PKIB: variants seen among roughly 807,000 people sequenced by gnomAD.
The protein encoded by PKIB is PKI-beta.
In PKIB, 2 loss-of-function variants were observed where a neutral mutation model predicts 4.5. That is an observed-to-expected ratio of 0.44 (90% CI 0.18 to 1.39). PKIB has a LOEUF of 1.39. Among genes scored for constraint, PKIB ranks in the 40% most tolerant of loss-of-function variants. The pLI is 0.27. For missense variants in PKIB, 94 were observed against 92.6 expected, an observed-to-expected ratio of 1.02 and a Z score of -0.06; for synonymous variants, 38 against 36.0, an observed-to-expected ratio of 1.06 and a Z score of -0.20.
chr6:122,545,299 C>T (rs1772458621), intron 2 of PKIB, among the ~76,000 whole-genome samples: 1 of 151,828 alleles, frequency 6.6e-6, no homozygotes, highest in Non-Finnish European at 1.5e-5. Flanking sequence ...CATGGAATAC[C>T]ATGTAGCCAT....
chr6:122,605,196 G>A (rs144459372), intron 3 of PKIB, among the ~76,000 whole-genome samples: 60 of 152,202 alleles, frequency 3.9e-4, no homozygotes, highest in East Asian at 1.4e-3. Flanking sequence ...TCCAAACCTC[G>A]GCTTAGTTAT....
chr6:122,677,981 C>G (rs1467587486), intron 3 of PKIB, among the ~76,000 whole-genome samples: 1 of 151,906 alleles, frequency 6.6e-6, no homozygotes, highest in Admixed American at 6.6e-5. Context: ...GATCTCGGCT[C>G]ACTGCAAGCT....
chr6:122,472,199 A>G (rs994619782), intron 1 of PKIB, among the ~76,000 whole-genome samples: 3 of 152,136 alleles, frequency 2.0e-5, no homozygotes, highest in African/African-American at 4.8e-5. Flanking sequence ...TGTCCGTCCT[A>G]ACTCCACTTA....
intron 3 of PKIB, among the ~76,000 whole-genome samples, chr6:122,691,736 T>A (rs1778364647): frequency 2.0e-5 from 3 of 152,152 alleles, no homozygotes. Flanking sequence ...TTTTCCTGAA[T>A]GTTTTTGATG....
chr6:122,598,044 G>A (rs960831333), intron 3 of PKIB, among the ~76,000 whole-genome samples: 2 of 152,092 alleles, frequency 1.3e-5, no homozygotes, highest in African/African-American at 4.8e-5. Context: ...TAAAAGGCTG[G>A]AGGTCTCCTT....
intron 3 of PKIB, among the ~76,000 whole-genome samples, chr6:122,696,810 C>T (rs1041037952): frequency 2.0e-5 from 3 of 152,220 alleles, no homozygotes; most frequent in African/African-American, 7.2e-5. Flanking sequence ...CATTGCAGCT[C>T]AGTGAGGGTC....
At chr6:122,609,721 T>C (rs1774670577), upstream of PKIB, among the ~76,000 whole-genome samples, 1 of 152,240 alleles carries the variant, frequency 6.6e-6, no homozygotes, top group African/African-American at 2.4e-5. Context: ...GTCGTCCATG[T>C]AATATGGCTT....
chr6:122,535,744 CTG>C (rs1280949423), intron 2 of PKIB, among the ~76,000 whole-genome samples: 1 of 152,128 alleles, frequency 6.6e-6, no homozygotes, highest in African/African-American at 2.4e-5. Flanking sequence ...TAGTATGACT[CTG>C]AGAAAGTTTC....
intron 2 of PKIB, among the ~76,000 whole-genome samples, chr6:122,497,788 G>A (rs1776117839): frequency 6.6e-6 from 1 of 152,082 alleles, no homozygotes; most frequent in Admixed American, 6.5e-5. Context: ...TCCACTGATG[G>A]CATTAGACAG....
chr6:122,718,196 G>C (rs1779578394), intron 4 of PKIB, among the ~76,000 whole-genome samples: 1 of 152,048 alleles, frequency 6.6e-6, no homozygotes, highest in Non-Finnish European at 1.5e-5. Flanking sequence ...TTTATTCATT[G>C]CATGTGTATA....
At chr6:122,579,387 C>G (rs1489554139) in intron 2 of PKIB, among the ~76,000 whole-genome samples, 1 of 152,102 alleles carries the variant, frequency 6.6e-6, no homozygotes, top group African/African-American at 2.4e-5. Flanking sequence ...GTAAAGATCT[C>G]TGGTACATCA....
At chr6:122,708,435 A>T (rs961607059) in intron 3 of PKIB, among the ~76,000 whole-genome samples, 1 of 152,134 alleles carries the variant, frequency 6.6e-6, no homozygotes, top group Non-Finnish European at 1.5e-5. Flanking sequence ...TTGTTTCTGA[A>T]AGTATGTGAA....
intron 3 of PKIB, among the ~76,000 whole-genome samples, chr6:122,717,144 G>C (rs1167328700): frequency 6.6e-6 from 1 of 151,932 alleles, no homozygotes. Context: ...GGAGATAAAG[G>C]GTGCTTAGGA....
intron 2 of PKIB, among the ~76,000 whole-genome samples, chr6:122,642,997 A>G (rs906528985): frequency 1.3e-5 from 2 of 152,212 alleles, no homozygotes; most frequent in African/African-American, 4.8e-5. Flanking sequence ...TTTTTTAAAA[A>G]AGAGGCAGTA....
intron 2 of PKIB, among the ~76,000 whole-genome samples, chr6:122,527,084 C>T (rs2114610481): frequency 6.6e-6 from 1 of 152,302 alleles, no homozygotes; most frequent in South Asian, 2.1e-4. Context: ...ATGAACCAAA[C>T]TCTACTAGCT....
intron 3 of PKIB, among the ~76,000 whole-genome samples, chr6:122,593,504 C>T: frequency 6.6e-6 from 1 of 152,134 alleles, no homozygotes; most frequent in East Asian, 1.9e-4. Flanking sequence ...TGAGATGTAG[C>T]CTCAGCATTG....
intron 2 of PKIB, among the ~76,000 whole-genome samples, chr6:122,500,816 G>A (rs760488907): frequency 6.6e-6 from 1 of 152,182 alleles, no homozygotes; most frequent in Non-Finnish European, 1.5e-5. Flanking sequence ...GGCTGGGGAA[G>A]ACTCAGGAAA....
intron 2 of PKIB, among the ~76,000 whole-genome samples, chr6:122,551,123 C>T (rs1297942566): frequency 1.3e-5 from 2 of 151,982 alleles, no homozygotes; most frequent in Non-Finnish European, 2.9e-5. Flanking sequence ...TTTTTCATCT[C>T]TCTTGTTAGC....
chr6:122,657,945 A>T (rs1776839042), intron 2 of PKIB, among the ~76,000 whole-genome samples: 1 of 152,248 alleles, frequency 6.6e-6, no homozygotes, highest in Non-Finnish European at 1.5e-5. Context: ...CCTTAAAGAT[A>T]AACTCACAAA....
Sources: allele counts gnomAD v4.1 joint callset (sites outside exome capture counted in the v4.1 genomes callset), GRCh38; gene constraint gnomAD v4.1.1; transcripts MANE v1.5; gene names NCBI Gene and HGNC (gene_info 2026-07-23, HGNC 2026-07-21).